Variants in PRKG1 observed in about 807,000 individuals in gnomAD.
PRKG1 encodes the protein cGMP-dependent protein kinase 1.
A neutral mutation model predicts 88.1 loss-of-function variants in PRKG1; 35 were observed. That is an observed-to-expected ratio of 0.40 (90% confidence interval 0.30 to 0.53). The LOEUF (loss-of-function observed/expected upper bound fraction) is 0.53, where lower values mean the gene tolerates loss of function less well. Ranked by LOEUF, PRKG1 falls within the 20% of genes least tolerant of loss-of-function variation. PRKG1 has a pLI of 0.59. For synonymous variants in PRKG1, 303 were observed against 292.5 expected (o/e 1.04, Z -0.37); for missense variants, 540 against 839.8 (o/e 0.64, Z 4.41).
chr10:51,555,237 A>T (rs1055881451), intron 3 of PRKG1, among the ~76,000 whole-genome samples: 4 of 151,984 alleles, frequency 2.6e-5, no homozygotes, highest in African/African-American at 7.2e-5. Flanking sequence ...TAACATTTTC[A>T]ACTCAAAACT....
intron 2 of PRKG1, among the ~76,000 whole-genome samples, chr10:51,382,115 T>C (rs1036582233): frequency 1.3e-5 from 2 of 152,166 alleles, no homozygotes; most frequent in Non-Finnish European, 2.9e-5. Flanking sequence ...TCATTATTTG[T>C]TTGGCATGAC....
At position 51,463,652 on chromosome 10, in the gene PRKG1, A is replaced by C. The variant is rs531885892; in HGVS notation, c.479-4071A>C. Among the ~76,000 whole-genome samples the C allele has an allele frequency of 7.2e-5, 11 of 152,352 alleles. No individual in the cohort carries two copies. The East Asian group carries it at 1.7e-3, about 24-fold the overall frequency. The stretch of plus-strand genomic sequence containing the variant: ...TATTATTCTTAGCTTTCTTAGGTGA[A>C]CCACACATTTATACTTGGAAATCAT... On this transcript the variant is annotated intron_variant, in intron 2 of 17. Transcript: ENST00000373980.
intron 3 of PRKG1, among the ~76,000 whole-genome samples, chr10:51,512,579 T>G (rs1453406681): frequency 2.4e-5 from 2 of 84,166 alleles, no homozygotes; most frequent in Non-Finnish European, 4.6e-5. Flanking sequence ...CACATTTTCT[T>G]AATCCAGTCT....
chr10:51,808,741 T>C (rs1384572406), intron 4 of PRKG1, among the ~76,000 whole-genome samples: 6 of 152,226 alleles, frequency 3.9e-5, no homozygotes, highest in Non-Finnish European at 8.8e-5. Context: ...AAAACTTGCA[T>C]CTACATTTTT....
chr10:51,743,941 A>T (rs1837513430), intron 3 of PRKG1, among the ~76,000 whole-genome samples: 1 of 151,200 alleles, frequency 6.6e-6, no homozygotes, highest in Non-Finnish European at 1.5e-5. Context: ...GATTGGCTAA[A>T]AGCGACTTCA....
intron 7 of PRKG1, among the ~76,000 whole-genome samples, chr10:52,128,828 C>T (rs537645234): frequency 2.8e-4 from 42 of 152,150 alleles, no homozygotes; most frequent in African/African-American, 7.7e-4. Flanking sequence ...ACTAGATAAG[C>T]GTGAGATTTT....
intron 2 of PRKG1, among the ~76,000 whole-genome samples, chr10:51,331,587 T>C (rs1841742902): frequency 2.0e-5 from 3 of 152,216 alleles, no homozygotes; most frequent in Admixed American, 1.3e-4. Context: ...AGGGATGATG[T>C]GAGTAATGCA....
chr10:51,700,145 T>A (rs956337282), intron 3 of PRKG1, among the ~76,000 whole-genome samples: 1 of 152,224 alleles, frequency 6.6e-6, no homozygotes, highest in African/African-American at 2.4e-5. Context: ...TATCTCCTTT[T>A]TAGAACAACG....
At chr10:52,134,724 T>C (rs1837358584) in intron 8 of PRKG1, among the ~76,000 whole-genome samples, 1 of 152,082 alleles carries the variant, frequency 6.6e-6, no homozygotes, top group Non-Finnish European at 1.5e-5. Context: ...CCACATAGAA[T>C]GAACCTGAGG....
chr10:51,595,901 C>G (rs1838434419), intron 3 of PRKG1, among the ~76,000 whole-genome samples: 1 of 152,032 alleles, frequency 6.6e-6, no homozygotes, highest in South Asian at 2.1e-4. Flanking sequence ...GTGGCAGGAT[C>G]TTGGCTCACT....
At chr10:51,568,257 T>C (rs1005068860) in intron 3 of PRKG1, among the ~76,000 whole-genome samples, 3 of 152,128 alleles carry the variant, frequency 2.0e-5, no homozygotes, top group African/African-American at 7.2e-5. Context: ...TTTTTCGGAT[T>C]CAAATGCATA....
chr10:51,286,682 T>G (rs548320512), intron 2 of PRKG1, among the ~76,000 whole-genome samples: 89 of 152,338 alleles, frequency 5.8e-4, no homozygotes, highest in African/African-American at 2.1e-3. Flanking sequence ...CATTTGTCAT[T>G]TCTTTGTCCT....
chr10:51,194,516 G>A (rs543865673), intron 2 of PRKG1, among the ~76,000 whole-genome samples: 1 of 152,076 alleles, frequency 6.6e-6, no homozygotes, highest in Admixed American at 6.6e-5. Context: ...TGTAAAACTT[G>A]CCATCGTTTA....
intron 2 of PRKG1, among the ~76,000 whole-genome samples, chr10:51,457,878 G>A (rs533731045): frequency 1.3e-4 from 20 of 152,226 alleles, no homozygotes; most frequent in African/African-American, 4.6e-4. Context: ...TGGTGCTGGA[G>A]GACAAAGGTC....
intron 1 of PRKG1, among the ~76,000 whole-genome samples, chr10:51,119,199 A>G (rs1028673887): frequency 5.3e-5 from 8 of 152,096 alleles, no homozygotes; most frequent in African/African-American, 1.9e-4. Context: ...AGTATGGTTC[A>G]GTTGCACCAC....
intron 3 of PRKG1, among the ~76,000 whole-genome samples, chr10:51,644,543 C>T (rs1042635131): frequency 6.6e-6 from 1 of 151,912 alleles, no homozygotes; most frequent in African/African-American, 2.4e-5. Flanking sequence ...CAGTGGGAGC[C>T]TATTCAAGTT....
At chr10:51,003,277 G>A (rs528206025) in intron 1 of PRKG1, among the ~76,000 whole-genome samples, 1 of 152,220 alleles carries the variant, frequency 6.6e-6, no homozygotes, top group Admixed American at 6.5e-5. Context: ...TATTTTCTCT[G>A]ATCTTTCTAG....
chr10:52,166,787 C>CTATATATATATATATA (rs201538311), intron 9 of PRKG1, among the ~76,000 whole-genome samples: 451 of 12,426 alleles, frequency 0.036, 12 homozygotes, highest in African/African-American at 0.044. Context: ...ATAAAAAAGC[C>CTATATATATATATATA]TATATATATA....
intron 3 of PRKG1, among the ~76,000 whole-genome samples, chr10:51,515,162 T>C (rs940820811): frequency 4.6e-5 from 7 of 152,212 alleles, no homozygotes; most frequent in South Asian, 2.1e-4. Context: ...CAATTATATA[T>C]ATTTTATAAA....
Sources: allele counts gnomAD v4.1 joint callset (sites outside exome capture counted in the v4.1 genomes callset), GRCh38; gene constraint gnomAD v4.1.1; transcripts MANE v1.5; gene names NCBI Gene and HGNC (gene_info 2026-07-23, HGNC 2026-07-21).